ZMAT4: variants seen among roughly 807,000 people sequenced by gnomAD.
ZMAT4 encodes zinc finger matrin-type 4.
ZMAT4 carries 17 observed loss-of-function variants against 28.7 expected under a neutral mutation model. The ratio of observed to expected loss-of-function variants is 0.59; its 90% CI spans 0.41 to 0.89. The LOEUF (loss-of-function observed/expected upper bound fraction) is 0.89. ZMAT4 is among the 40% of genes least tolerant of loss of function. ZMAT4 has a pLI of 0.00. For synonymous variants in ZMAT4, 117 were observed against 109.2 expected (o/e 1.07, Z -0.44); for missense variants, 240 against 283.8 (o/e 0.85, Z 1.11).
At chr8:40,686,584 T>G (rs1391904462) in intron 4 of ZMAT4, among the ~76,000 whole-genome samples, 1 of 152,084 alleles carries the variant, frequency 6.6e-6, no homozygotes, top group Non-Finnish European at 1.5e-5. Context: ...GCCGTGGTTG[T>G]GCCACTGCAT....
chr8:40,669,428 T>G (rs553077236), intron 5 of ZMAT4, among the ~76,000 whole-genome samples: 1 of 152,058 alleles, frequency 6.6e-6, no homozygotes, highest in African/African-American at 2.4e-5. Context: ...TTTCATAAAG[T>G]TACACCGAGA....
At chr8:40,690,947 T>C (rs972267545) in intron 4 of ZMAT4, 39 of 983,948 alleles carry the variant, frequency 4.0e-5, no homozygotes, top group Non-Finnish European at 4.5e-5. Flanking sequence ...TTACTGTTCC[T>C]GCAAATAAGA....
chr8:40,644,513 G>A (rs1390772417), intron 5 of ZMAT4, among the ~76,000 whole-genome samples: 1 of 151,986 alleles, frequency 6.6e-6, no homozygotes, highest in Non-Finnish European at 1.5e-5. Context: ...AATCACAGTA[G>A]AATTAGATTA....
intron 5 of ZMAT4, among the ~76,000 whole-genome samples, chr8:40,602,202 T>C (rs982792604): frequency 6.6e-6 from 1 of 152,232 alleles, no homozygotes; most frequent in Non-Finnish European, 1.5e-5. Flanking sequence ...TTTGTTCGTT[T>C]TTATGGCTGA....
intron 3 of ZMAT4, among the ~76,000 whole-genome samples, chr8:40,723,013 T>C (rs1054035338): frequency 3.3e-5 from 5 of 152,168 alleles, no homozygotes; most frequent in African/African-American, 1.2e-4. Flanking sequence ...TAACTGGAAT[T>C]GCATCTTCAC....
chr8:40,737,359 G>A (rs980317210), intron 3 of ZMAT4, among the ~76,000 whole-genome samples: 1 of 152,082 alleles, frequency 6.6e-6, no homozygotes, highest in Admixed American at 6.5e-5. Flanking sequence ...TGGGAGGCAA[G>A]GATGAGATCT....
chr8:40,690,016 T>C (rs573669909), intron 4 of ZMAT4, among the ~76,000 whole-genome samples: 2 of 152,268 alleles, frequency 1.3e-5, no homozygotes, highest in Non-Finnish European at 2.9e-5. Context: ...ATCCAATCAC[T>C]GATCTCTTGT....
intron 5 of ZMAT4, among the ~76,000 whole-genome samples, chr8:40,663,511 T>C (rs138156393): frequency 6.6e-6 from 1 of 152,298 alleles, no homozygotes; most frequent in East Asian, 1.9e-4. Flanking sequence ...AATAAGTGAA[T>C]GAATGAATGA....
At chr8:40,699,596 G>GCACACACACACACACA (rs10681965) in intron 3 of ZMAT4, among the ~76,000 whole-genome samples, 3 of 149,640 alleles carry the variant, frequency 2.0e-5, no homozygotes, top group South Asian at 4.3e-4. Context: ...AAATGTAAAT[G>GCACACACACACACACA]CACACACACA....
At chr8:40,873,166 G>A (rs887834233) in intron 1 of ZMAT4, among the ~76,000 whole-genome samples, 2 of 152,204 alleles carry the variant, frequency 1.3e-5, no homozygotes, top group African/African-American at 4.8e-5. Context: ...GAAGCCCCCT[G>A]TGTCACCTGA....
intron 2 of ZMAT4, among the ~76,000 whole-genome samples, chr8:40,783,534 T>C (rs1813933249): frequency 6.6e-6 from 1 of 152,104 alleles, no homozygotes; most frequent in South Asian, 2.1e-4. Context: ...CAAATAACCA[T>C]CACCAAACTA....
At chr8:40,681,197 A>G (rs1169325308) in intron 4 of ZMAT4, among the ~76,000 whole-genome samples, 1 of 152,156 alleles carries the variant, frequency 6.6e-6, no homozygotes, top group Non-Finnish European at 1.5e-5. Context: ...CCATATTTCA[A>G]TGTCAACTCG....
At chr8:40,858,181 A>T (rs561332473) in intron 1 of ZMAT4, among the ~76,000 whole-genome samples, 1 of 152,358 alleles carries the variant, frequency 6.6e-6, no homozygotes, top group South Asian at 2.1e-4. Flanking sequence ...AGAAGACATG[A>T]AAACGGGAAT....
chr8:40,691,248 G>A (rs756720872), intron 4 of ZMAT4, among the ~76,000 whole-genome samples: 1 of 152,102 alleles, frequency 6.6e-6, no homozygotes, highest in Non-Finnish European at 1.5e-5. Flanking sequence ...ACTCATGTCT[G>A]AGCAAAGCTT....
At chr8:40,758,856 G>A (rs1008837166) in intron 3 of ZMAT4, among the ~76,000 whole-genome samples, 3 of 152,118 alleles carry the variant, frequency 2.0e-5, no homozygotes, top group African/African-American at 4.8e-5. Flanking sequence ...ACAACGGAAA[G>A]GACACTAGAC....
chr8:40,683,382 T>A (rs1340979268), intron 4 of ZMAT4, among the ~76,000 whole-genome samples: 3 of 152,222 alleles, frequency 2.0e-5, no homozygotes, highest in Non-Finnish European at 4.4e-5. Flanking sequence ...AATCTCCGGT[T>A]ATGGCCACAG....
chr8:40,577,212 G>C (rs1327227413), intron 6 of ZMAT4, among the ~76,000 whole-genome samples: 2 of 151,790 alleles, frequency 1.3e-5, no homozygotes, highest in Admixed American at 1.3e-4. Flanking sequence ...AAAAAAAAAA[G>C]ATGTCTGTGC....
chr8:40,653,377 C>T (rs1807772611), intron 5 of ZMAT4, among the ~76,000 whole-genome samples: 1 of 151,164 alleles, frequency 6.6e-6, no homozygotes, highest in Non-Finnish European at 1.5e-5. Context: ...TGAAAAAACT[C>T]AATGAAAGCA....
intron 3 of ZMAT4, among the ~76,000 whole-genome samples, chr8:40,752,773 C>T (rs1812508683): frequency 1.3e-5 from 2 of 152,324 alleles, no homozygotes; most frequent in East Asian, 3.9e-4. Context: ...AAGGCTGACA[C>T]TCGACAGCTC....
Sources: gnomAD v4.1 joint callset for allele counts (sites outside exome capture counted in the v4.1 genomes callset) on GRCh38, gnomAD v4.1.1 for gene constraint, MANE v1.5 for transcripts, NCBI Gene and HGNC (gene_info 2026-07-23, HGNC 2026-07-21) for gene names.